The following LURAP1L variants were observed in gnomAD, a reference collection of about 807,000 sequenced individuals.
LURAP1L encodes the protein leucine rich adaptor protein 1-like.
A neutral mutation model predicts 13.8 loss-of-function variants in LURAP1L; 12 were observed. The ratio of observed to expected loss-of-function variants is 0.87; its 90% CI spans 0.56 to 1.41. LURAP1L has a LOEUF of 1.41. Ranked by LOEUF, LURAP1L falls within the 40% of genes most tolerant of loss-of-function variation. The pLI, the probability that LURAP1L is intolerant of heterozygous loss-of-function variation, is 0.00. For synonymous variants in LURAP1L, 139 were observed against 119.2 expected, an observed-to-expected ratio of 1.17 and a Z score of -1.08; for missense variants, 375 against 292.9, an observed-to-expected ratio of 1.28 and a Z score of -2.04.
intron 1 of LURAP1L, among the ~76,000 whole-genome samples, chr9:12,806,238 G>C (rs893564713): frequency 1.3e-5 from 2 of 152,170 alleles, no homozygotes; most frequent in Admixed American, 1.3e-4. Context: ...GGTACAGCTG[G>C]TTCAAGAGAA....
At chr9:12,807,025 A>ACTAACTAACTGACTAACT (rs1563896042) in intron 1 of LURAP1L, among the ~76,000 whole-genome samples, 5 of 140,170 alleles carry the variant, frequency 3.6e-5, no homozygotes, top group African/African-American at 5.4e-5. Flanking sequence ...CGTCTCAAAA[A>ACTAACTAACTGACTAACT]AAAAAAAAAA....
rs139903665 is a variant in LURAP1L, at chr9:12,778,824, C to A, written c.312+2797C>A. ...ATGAAAGAATTGTAGAGCCTAATGT[C>A]AGGTAGTCCAGGAAATCTGAGGAAC... is the stretch of plus-strand genomic sequence containing the variant. On this transcript the variant is annotated intron_variant, in intron 1 of 1. Transcript: ENST00000319264. Among the ~76,000 whole-genome samples the A allele has an allele frequency of 1.5e-3, 236 of 152,346 alleles. 1 individual carries two copies. The highest frequency in any genetic ancestry group is 5.5e-3 in the African/African-American group (227 of 41,582).
chr9:12,785,446 C>T (rs1819337171), intron 1 of LURAP1L, among the ~76,000 whole-genome samples: 1 of 152,094 alleles, frequency 6.6e-6, no homozygotes. Flanking sequence ...GGGAACTTTC[C>T]TCCTTGAAAG....
intron 1 of LURAP1L, chr9:12,777,593 A>T: frequency 1.0e-6 from 1 of 966,724 alleles, no homozygotes; most frequent in East Asian, 1.1e-4. Flanking sequence ...CTTTCTCAGT[A>T]GCTCACTGAT....
In LURAP1L at chr9:12,809,156, T is replaced by G. The variant is rs543835272; in HGVS notation, c.313-12230T>G. ...CATGAGGAGGGCACTAAGCCATCCC[T>G]GATGCATCTGCCCCCATGACCGAAA... On this transcript the variant is annotated intron_variant, in intron 1 of 1. Coordinates refer to ENST00000319264, the MANE Select transcript of LURAP1L (RefSeq NM_203403.2). 1.4e-3 allele frequency among the ~76,000 whole-genome samples: 214 copies of G among 152,322 alleles called. 2 individuals carry two copies. The South Asian group carries it at 0.042, about 30-fold the overall frequency.
intron 1 of LURAP1L, among the ~76,000 whole-genome samples, chr9:12,805,576 A>C (rs1372927521): frequency 6.6e-6 from 1 of 151,988 alleles, no homozygotes; most frequent in African/African-American, 2.4e-5. Flanking sequence ...GCAGACAAAT[A>C]GACACACAAA....
rs71329889 is a variant in LURAP1L, at chr9:12,807,094, A to AATATATATATATATATATATAT, written c.313-14289_313-14268dup. ...CACGGCGAAGCCCTGTCTCTACTAA[A>AATATATATATATATATATATAT]ATATATATATATATATATATATATT... On this transcript the variant is annotated intron_variant, in intron 1 of 1. Transcript: ENST00000319264. 1.3e-3 allele frequency among the ~76,000 whole-genome samples: 153 copies of AATATATATATATATATATATAT among 116,112 alleles called. 2 individuals are homozygous for AATATATATATATATATATATAT. Among genetic ancestry groups the AATATATATATATATATATATAT allele is most frequent in the Admixed American group, 2.3e-3 (22 of 9,480 alleles). 76.2% of individuals were successfully genotyped at this position (116,112 alleles called of 152,430 possible).
chr9:12,800,009 T>C (rs770730369), intron 1 of LURAP1L, among the ~76,000 whole-genome samples: 23 of 152,128 alleles, frequency 1.5e-4, no homozygotes, highest in Non-Finnish European at 2.9e-4. Context: ...TTATCTCACA[T>C]AGTTAACTTT....
chr9:12,795,467 A>G (rs189941977), intron 1 of LURAP1L, among the ~76,000 whole-genome samples: 2 of 152,134 alleles, frequency 1.3e-5, no homozygotes, highest in East Asian at 3.9e-4. Flanking sequence ...TTCCTTCGAG[A>G]AAGTGATTAG....
chr9:12,777,471 A>T (rs1819204404), intron 1 of LURAP1L: 45 of 985,390 alleles, frequency 4.6e-5, no homozygotes, highest in Non-Finnish European at 5.4e-5. Context: ...AGGGACGAAG[A>T]CATCAAGGAG....
chr9:12,797,717 A>C (rs551603677), intron 1 of LURAP1L, among the ~76,000 whole-genome samples: 31 of 152,156 alleles, frequency 2.0e-4, no homozygotes, highest in Non-Finnish European at 2.2e-4. Flanking sequence ...TAAGAATTAC[A>C]TACTTGCTTT....
chr9:12,795,829 G>T (rs556930541), intron 1 of LURAP1L, among the ~76,000 whole-genome samples: 1 of 151,992 alleles, frequency 6.6e-6, no homozygotes, highest in Non-Finnish European at 1.5e-5. Flanking sequence ...ATTAAGGGAT[G>T]TTGTACTTTT....
rs1017933122 is a variant in LURAP1L at position 12,775,102 on chromosome 9, C to T, written c.-614C>T. On this transcript the variant is annotated 5_prime_UTR_variant, in exon 1 of 2. Coordinates refer to ENST00000319264, the MANE Select transcript of LURAP1L (RefSeq NM_203403.2). The stretch of plus-strand genomic sequence containing the variant: ...AGCCGTTAAACTCCTGCTAAGCTAA[C>T]TAGCTCTTTTTTATGGGTCCATGCA... 1 of 152,224 alleles carries T rather than the reference C, an allele frequency of 6.6e-6. No homozygotes were observed. Among genetic ancestry groups the T allele is most frequent in the East Asian group, 1.9e-4 (1 of 5,184 alleles). The allele number at this position is 152,224 out of a possible 1,614,324, so 9.4% of individuals were successfully genotyped here. A position where few individuals can be genotyped will look rare whatever the true frequency, so the allele number is the denominator to read the frequency against.
intron 1 of LURAP1L, among the ~76,000 whole-genome samples, chr9:12,821,126 C>T (rs370640203): frequency 5.9e-5 from 9 of 152,146 alleles, no homozygotes; most frequent in African/African-American, 2.2e-4. Flanking sequence ...TATGTTCAGG[C>T]CACTTGGTTA....
intron 1 of LURAP1L, among the ~76,000 whole-genome samples, chr9:12,820,687 C>G (rs953074013): frequency 3.3e-5 from 5 of 152,084 alleles, no homozygotes; most frequent in African/African-American, 1.2e-4. Context: ...CCTAGTGTAT[C>G]ACCCATCCTT....
At chr9:12,818,682 G>A (rs1819834767) in intron 1 of LURAP1L, among the ~76,000 whole-genome samples, 1 of 152,190 alleles carries the variant, frequency 6.6e-6, no homozygotes, top group Non-Finnish European at 1.5e-5. Flanking sequence ...GAAGAATGGG[G>A]AGTATTTGGA....
chr9:12,778,327 A>G (rs761611818), intron 1 of LURAP1L, among the ~76,000 whole-genome samples: 16 of 152,084 alleles, frequency 1.1e-4, no homozygotes, highest in African/African-American at 1.7e-4. Context: ...TGGCTTTTTC[A>G]CTCACTAGTG....
chr9:12,805,525 T>G (rs1196597729), intron 1 of LURAP1L, among the ~76,000 whole-genome samples: 2 of 152,168 alleles, frequency 1.3e-5, no homozygotes, highest in Non-Finnish European at 2.9e-5. Flanking sequence ...ATGGTTATTC[T>G]CCTTTTCAGT....
intron 1 of LURAP1L, among the ~76,000 whole-genome samples, chr9:12,792,713 A>T (rs1175973156): frequency 6.6e-6 from 1 of 152,202 alleles, no homozygotes; most frequent in East Asian, 1.9e-4. Context: ...TTAGTAGTGA[A>T]ATCCACATAT....
Sources: gnomAD v4.1 joint callset for allele counts (sites outside exome capture counted in the v4.1 genomes callset) on GRCh38, gnomAD v4.1.1 for gene constraint, MANE v1.5 for transcripts, NCBI Gene and HGNC (gene_info 2026-07-23, HGNC 2026-07-21) for gene names.